The following ZNF417 variants were observed in gnomAD, a reference collection of about 807,000 sequenced individuals.
The protein encoded by ZNF417 is zinc finger protein 417.
In ZNF417, 5 loss-of-function variants were observed where a neutral mutation model predicts 7.4. That is an observed-to-expected ratio of 0.68 (90% CI 0.35 to 1.43). ZNF417 has a LOEUF of 1.43. Ranked by LOEUF, ZNF417 falls within the 40% of genes most tolerant of loss-of-function variation. The pLI is 0.04. For synonymous variants in ZNF417, 147 were observed against 239.1 expected (o/e 0.61, Z 3.55); for missense variants, 437 against 697.3 (o/e 0.63, Z 4.20).
rs556891378 is a variant in ZNF417 at position 57,906,665 on chromosome 19, G to A, written c.*1885C>T. On this transcript the variant is annotated 3_prime_UTR_variant, in exon 3 of 3. Transcript: ENST00000312026. ...AGGCCCAGCTACTTGGGAGGCTGAG[G>A]CAAGAGAATCACTTGAACCTGGGAG... is the stretch of plus-strand genomic sequence containing the variant. 2.2e-5 allele frequency among the ~76,000 whole-genome samples: 3 copies of A among 138,838 alleles called. No homozygotes were observed. The South Asian group carries it at 7.3e-4, about 34-fold the overall frequency. The allele number at this position is 138,838 out of a possible 152,430, so 91.1% of individuals were successfully genotyped here.
At chr19:57,911,610 AG>A (rs1297075033) in intron 2 of ZNF417, among the ~76,000 whole-genome samples, 1 of 152,214 alleles carries the variant, frequency 6.6e-6, no homozygotes, top group East Asian at 1.9e-4. Context: ...CAGGAGAGTA[AG>A]GTAAGTATTA....
chr19:57,908,176 T>G lies in ZNF417; in HGVS notation c.*374A>C, dbSNP rs911777267. ...TTCACTGCCCAGCAATCTATACGTA[T>G]TGTCACTTGGGGACACTTATGATTC... On this transcript the variant is annotated 3_prime_UTR_variant, in exon 3 of 3. Coordinates refer to ENST00000312026, the MANE Select transcript of ZNF417 (RefSeq NM_152475.3). 1 of 294,288 alleles carries G rather than the reference T, an allele frequency of 3.4e-6. No individual in the cohort carries two copies. The highest frequency in any genetic ancestry group is 6.5e-6 in the Non-Finnish European group (1 of 154,866). The allele number at this position is 294,288 out of a possible 1,614,324, so 18.2% of individuals were successfully genotyped here.
In ZNF417 at chr19:57,916,543, G is replaced by C; in HGVS notation, c.-132C>G. Reference sequence around the variant, plus strand: ...CACCGCGGTCCCCCCCCAGCACTCAGGGGCCACAAACTGGGGAAACACCCG... The same window carrying C: ...CACCGCGGTCCCCCCCCAGCACTCACGGGCCACAAACTGGGGAAACACCCG... On this transcript the variant is annotated 5_prime_UTR_variant, in exon 1 of 3. Coordinates refer to ENST00000312026, the MANE Select transcript of ZNF417 (RefSeq NM_152475.3). 1.4e-5 allele frequency: 21 copies of C among 1,536,878 alleles called. No homozygotes were observed. The highest frequency in any genetic ancestry group is 1.6e-5 in the Non-Finnish European group (18 of 1,143,072).
chr19:57,916,231 C>G, intron 1 of ZNF417, 148 bp downstream of exon 1: 1 of 1,468,090 alleles, frequency 6.8e-7, no homozygotes, highest in Non-Finnish European at 9.2e-7. Flanking sequence ...CCCCACTGGA[C>G]AGTTACACAG....
Position 57,908,425 on chromosome 19 carries a change from A to C in ZNF417, c.*125T>G. On this transcript the variant is annotated 3_prime_UTR_variant, in exon 3 of 3. Coordinates refer to ENST00000312026, the MANE Select transcript of ZNF417 (RefSeq NM_152475.3). Reference sequence around the variant, plus strand: ...TTCCAATGCGAAGTCTCTTAAGACCAAGGAGAGCAGACATTCTGATGTTTC... The same window carrying C: ...TTCCAATGCGAAGTCTCTTAAGACCCAGGAGAGCAGACATTCTGATGTTTC... 6.5e-7 allele frequency: 1 copy of C among 1,546,758 alleles called. No homozygotes were observed. The highest frequency in any genetic ancestry group is 8.8e-7 in the Non-Finnish European group (1 of 1,131,610).
chr19:57,912,826 G>T (rs1209939623), intron 1 of ZNF417, among the ~76,000 whole-genome samples: 1 of 151,988 alleles, frequency 6.6e-6, no homozygotes, highest in African/African-American at 2.4e-5. Flanking sequence ...TGTTGGCCAG[G>T]CTGGTCTTGA....
At chr19:57,910,211 T>C (rs1439518760) in intron 2 of ZNF417, 97 bp from the exon 3 acceptor site, 3 of 1,510,292 alleles carry the variant, frequency 2.0e-6, no homozygotes, top group Non-Finnish European at 2.7e-6. Flanking sequence ...AATTAATCTA[T>C]AGAAATATTT....
chr19:57,911,585 G>C (rs2071899735), intron 2 of ZNF417, among the ~76,000 whole-genome samples: 1 of 152,168 alleles, frequency 6.6e-6, no homozygotes, highest in South Asian at 2.1e-4. Context: ...GGACAACTAA[G>C]CACCTGACAG....
chr19:57,916,139 C>T (rs942044730), intron 1 of ZNF417, among the ~76,000 whole-genome samples: 6 of 152,260 alleles, frequency 3.9e-5, no homozygotes, highest in African/African-American at 1.2e-4. Context: ...TACTATTTCT[C>T]CATCGCAATT....
chr19:57,913,009 G>A (rs1207092146), intron 1 of ZNF417, among the ~76,000 whole-genome samples: 4 of 151,730 alleles, frequency 2.6e-5, no homozygotes, highest in Non-Finnish European at 4.4e-5. Flanking sequence ...CTGCTGGTAG[G>A]GATGGAATTG....
chr19:57,908,888 A>G lies in ZNF417; in HGVS notation c.1390T>C (p.Tyr464His). ...AATTTCCCACATACCTCACACGCAT[A>G]TGGCCTTTCTCCAGTGTGAACTCTC... ...HERVHTGERP[Y>H]ACEVCGKLFG... Residue 464 changes from tyrosine to histidine, a missense_variant, in exon 3 of 3, where the codon TAT becomes CAT. Transcript: ENST00000312026. 1 of 1,614,218 alleles carries G rather than the reference A, an allele frequency of 6.2e-7. No homozygotes were observed. Among genetic ancestry groups the G allele is most frequent in the Non-Finnish European group, 8.5e-7 (1 of 1,180,046 alleles).
rs866168927 is a variant in ZNF417 at position 57,906,015 on chromosome 19, G to C, written c.*2535C>G. Among the ~76,000 whole-genome samples the C allele has an allele frequency of 3.1e-4, 47 of 152,120 alleles. No individual in the cohort carries two copies. The highest frequency in any genetic ancestry group is 1.0e-3 in the African/African-American group (42 of 41,414). ...GGGCCTTGCTCTTTTGCCCAGGCTA[G>C]AGTGCAGTGGTACCATCTCAGCTGA... On this transcript the variant is annotated 3_prime_UTR_variant, in exon 3 of 3. Coordinates refer to ENST00000312026, the MANE Select transcript of ZNF417 (RefSeq NM_152475.3).
intron 2 of ZNF417, 41 bp downstream of exon 2, chr19:57,912,019 A>G (rs2071902873): frequency 6.5e-7 from 1 of 1,530,520 alleles, no homozygotes; most frequent in Non-Finnish European, 8.8e-7. Flanking sequence ...GGGGAACAGT[A>G]ACACTAGCTC....
Position 57,916,522 on chromosome 19 carries a change from G to A in ZNF417, c.-111C>T, listed in dbSNP as rs1374275713. 26 of 1,583,240 alleles carry A rather than the reference G, an allele frequency of 1.6e-5. No homozygotes were observed. The highest frequency in any genetic ancestry group is 2.2e-5 in the Non-Finnish European group (26 of 1,165,296). ...TCTCCACCTTCTAGGTTCAGTCACC[G>A]CGGTCCCCCCCCAGCACTCAGGGGC... On this transcript the variant is annotated 5_prime_UTR_variant, in exon 1 of 3. Coordinates refer to ENST00000312026, the MANE Select transcript of ZNF417 (RefSeq NM_152475.3).
Position 57,916,122 on chromosome 19 carries a change from C to T in ZNF417, c.33+257G>A, listed in dbSNP as rs577529727. Reference sequence around the variant, plus strand: ...TCTCCAGAACAGCCTGACGGCTCTGCGTCAATTACTATTTCTCCATCGCAA... The same window carrying T: ...TCTCCAGAACAGCCTGACGGCTCTGTGTCAATTACTATTTCTCCATCGCAA... On this transcript the variant is annotated intron_variant, in intron 1 of 2. Transcript: ENST00000312026. Among the ~76,000 whole-genome samples, 19 of 152,380 alleles carry T rather than the reference C, an allele frequency of 1.2e-4. No individual in the cohort carries two copies. The South Asian group carries it at 3.7e-3, about 30-fold the overall frequency.
rs749791720 is a variant in ZNF417 at position 57,908,664 on chromosome 19, G to T, written c.1614C>A (p.His538Gln). Residue 538 changes from histidine to glutamine, a missense_variant, in exon 3 of 3, where the codon CAC becomes CAA. By Grantham distance (24) the His-to-Gln change is conservative (BLOSUM62 0). Coordinates refer to ENST00000312026, the MANE Select transcript of ZNF417 (RefSeq NM_152475.3). ...SFAECSSLIKHRRIHTGERPY... is the reference protein window; with the variant it reads ...SFAECSSLIKQRRIHTGERPY... Reference sequence around the variant, plus strand: ...GCCTTTCTCCAGTGTGAATTCTCCTGTGTTTAATGAGACTGGAACATTCAG... The same window carrying T: ...GCCTTTCTCCAGTGTGAATTCTCCTTTGTTTAATGAGACTGGAACATTCAG... 6.2e-7 allele frequency: 1 copy of T among 1,613,280 alleles called. No homozygotes were observed. The highest frequency in any genetic ancestry group is 2.2e-5 in the East Asian group (1 of 44,782).
At chr19:57,916,076 T>G (rs2071944619) in intron 1 of ZNF417, among the ~76,000 whole-genome samples, 1 of 152,260 alleles carries the variant, frequency 6.6e-6, no homozygotes, top group African/African-American at 2.4e-5. Context: ...GAGACTGATT[T>G]GAGTAATAAT....
At chr19:57,914,260 C>G (rs1217882070) in intron 1 of ZNF417, among the ~76,000 whole-genome samples, 2 of 151,728 alleles carry the variant, frequency 1.3e-5, no homozygotes, top group Non-Finnish European at 2.9e-5. Flanking sequence ...CTGAGGCAGG[C>G]GAATCACCTG....
chr19:57,916,531 C>G lies in ZNF417; in HGVS notation c.-120G>C. On this transcript the variant is annotated 5_prime_UTR_variant, in exon 1 of 3. Transcript: ENST00000312026. Reference sequence around the variant, plus strand: ...TCTAGGTTCAGTCACCGCGGTCCCCCCCCAGCACTCAGGGGCCACAAACTG... The same window carrying G: ...TCTAGGTTCAGTCACCGCGGTCCCCGCCCAGCACTCAGGGGCCACAAACTG... 6.4e-7 allele frequency: 1 copy of G among 1,564,518 alleles called. No homozygotes were observed.
Sources: gnomAD v4.1 joint callset for allele counts (sites outside exome capture counted in the v4.1 genomes callset) on GRCh38, gnomAD v4.1.1 for gene constraint, MANE v1.5 for transcripts, NCBI Gene and HGNC (gene_info 2026-07-23, HGNC 2026-07-21) for gene names.